The following MYO5B variants were observed in gnomAD, a reference collection of about 807,000 sequenced individuals.
MYO5B encodes the protein unconventional myosin-Vb.
A neutral mutation model predicts 229.3 loss-of-function variants in MYO5B; 143 were observed. The observed-to-expected ratio is 0.62, with a 90% CI of 0.54 to 0.72. MYO5B has a LOEUF of 0.72. MYO5B is among the 30% of genes least tolerant of loss of function. The pLI is 0.00. For missense variants in MYO5B, 2,321 were observed against 2,331.0 expected (o/e 1.00, Z 0.09); for synonymous variants, 918 against 885.2 (o/e 1.04, Z -0.66).
chr18:49,832,382 G>A (rs1271842692), intron 39 of MYO5B, among the ~76,000 whole-genome samples: 2 of 152,142 alleles, frequency 1.3e-5, no homozygotes, highest in South Asian at 2.1e-4. Flanking sequence ...ATTAACCATT[G>A]ACCTCTGAAC....
chr18:49,992,152 G>T, intron 6 of MYO5B, 136 bp downstream of exon 6: 1 of 1,246,272 alleles, frequency 8.0e-7, no homozygotes, highest in Non-Finnish European at 1.2e-6. Context: ...TAAAAGATAA[G>T]AACCAAAAGA....
Position 49,847,160 on chromosome 18 carries a change from C to T in MYO5B, c.4445G>A (p.Arg1482Gln), listed in dbSNP as rs201914259. The change falls in exon 33 of 40, where the codon CGG becomes CAG. Residue 1482 changes from arginine (R) to glutamine (Q), a missense_variant. This residue lies in a region of MYO5B where 2,113 missense variants were observed against 2,044.7 expected (regional missense o/e 1.03). Transcript: ENST00000285039. Reference protein sequence around the residue: ...YHKEDEALLIRNLVTDLKPQM... With the variant: ...YHKEDEALLIQNLVTDLKPQM... ...AGGGTCCTTACCTGTCACCAGGTTC[C>T]GGATGAGGAGGGCCTCGTCCTCTTT... 1.6e-4 allele frequency: 258 copies of T among 1,613,976 alleles called. No individual in the cohort carries two copies. Among genetic ancestry groups the T allele is most frequent in the East Asian group, 2.9e-4 (13 of 44,884 alleles).
At chr18:50,020,518 C>T (rs2026262736) in intron 4 of MYO5B, among the ~76,000 whole-genome samples, 1 of 152,248 alleles carries the variant, frequency 6.6e-6, no homozygotes, top group African/African-American at 2.4e-5. Flanking sequence ...TCTCTGCCTC[C>T]CATTCTCCCA....
chr18:49,896,664 G>A (rs1485379461), intron 21 of MYO5B, among the ~76,000 whole-genome samples: 3 of 152,160 alleles, frequency 2.0e-5, no homozygotes, highest in East Asian at 1.9e-4. Flanking sequence ...AGAGAGGCAC[G>A]CATGGTAACA....
intron 1 of MYO5B, among the ~76,000 whole-genome samples, chr18:50,155,110 G>T (rs1230302997): frequency 6.6e-6 from 1 of 152,050 alleles, no homozygotes; most frequent in African/African-American, 2.4e-5. Flanking sequence ...AATTTATATG[G>T]GTTCACATAC....
At chr18:49,835,877 T>C (rs901112244) in intron 38 of MYO5B, among the ~76,000 whole-genome samples, 2 of 152,232 alleles carry the variant, frequency 1.3e-5, no homozygotes, top group African/African-American at 4.8e-5. Context: ...AGATACTCTT[T>C]TGTCTGCCTA....
At chr18:49,843,740 T>C (rs750572364) in intron 33 of MYO5B, among the ~76,000 whole-genome samples, 1 of 152,166 alleles carries the variant, frequency 6.6e-6, no homozygotes, top group Non-Finnish European at 1.5e-5. Flanking sequence ...CAGGGGCCCA[T>C]GGCAAGTGGA....
At chr18:50,065,309 A>G (rs894022629) in intron 1 of MYO5B, among the ~76,000 whole-genome samples, 5 of 152,184 alleles carry the variant, frequency 3.3e-5, no homozygotes, top group Non-Finnish European at 5.9e-5. Context: ...AAGAGGAGAC[A>G]TGATGTCTTA....
chr18:49,955,387 C>T (rs539668458), intron 12 of MYO5B, among the ~76,000 whole-genome samples: 9 of 152,314 alleles, frequency 5.9e-5, no homozygotes, highest in South Asian at 2.1e-4. Context: ...CTCTGTCATC[C>T]CTGGTCATCG....
chr18:49,886,154 G>C (rs181178058), intron 22 of MYO5B, among the ~76,000 whole-genome samples: 20 of 152,248 alleles, frequency 1.3e-4, no homozygotes, highest in African/African-American at 4.8e-4. Flanking sequence ...TGGCCAGGTT[G>C]GTCTTGAACT....
At chr18:50,080,522 A>G (rs567080850) in intron 1 of MYO5B, among the ~76,000 whole-genome samples, 9 of 152,286 alleles carry the variant, frequency 5.9e-5, no homozygotes, top group African/African-American at 2.2e-4. Context: ...CTTGCCCAAC[A>G]GCTGCCCCCA....
In MYO5B at chr18:49,842,278, G is replaced by A. The variant is rs527887807; in HGVS notation, c.4612-824C>T. ...CTCACGAAAGAGGATCAAGGCTGGA[G>A]ACACAAATCTGAGAGCCACGAGCAT... On this transcript the variant is annotated intron_variant, in intron 34 of 39. Coordinates refer to ENST00000285039, the MANE Select transcript of MYO5B (RefSeq NM_001080467.3). Among the ~76,000 whole-genome samples the A allele has an allele frequency of 2.0e-5, 3 of 152,274 alleles. No individual in the cohort carries two copies. In the South Asian group the frequency reaches 6.2e-4, roughly 32 times the overall value.
intron 22 of MYO5B, among the ~76,000 whole-genome samples, chr18:49,892,943 C>G (rs2024732211): frequency 6.6e-6 from 1 of 152,128 alleles, no homozygotes; most frequent in Admixed American, 6.5e-5. Flanking sequence ...GTTACCAATT[C>G]CAAGCTCTAA....
At position 49,914,361 on chromosome 18, in the gene MYO5B, C is replaced by T. The variant is rs566578033; in HGVS notation, c.2091-2188G>A. 6.0e-4 allele frequency among the ~76,000 whole-genome samples: 92 copies of T among 152,282 alleles called. 4 individuals carry two copies. The South Asian group carries it at 0.018, about 30-fold the overall frequency. On this transcript the variant is annotated intron_variant, in intron 17 of 39. Coordinates refer to ENST00000285039, the MANE Select transcript of MYO5B (RefSeq NM_001080467.3). ...GTGATGGGGGGCCAGGGAACTCTCCCGTCTCATACTCAGGTAAACTCACTC... is the reference window on the plus strand; with the variant it reads ...GTGATGGGGGGCCAGGGAACTCTCCTGTCTCATACTCAGGTAAACTCACTC...
chr18:49,918,709 T>A (rs2025043738), intron 17 of MYO5B, among the ~76,000 whole-genome samples: 1 of 152,228 alleles, frequency 6.6e-6, no homozygotes, highest in Non-Finnish European at 1.5e-5. Flanking sequence ...GGCCATGCTG[T>A]GAGGCATACC....
intron 1 of MYO5B, among the ~76,000 whole-genome samples, chr18:50,160,718 C>A (rs1284353686): frequency 6.6e-6 from 1 of 152,196 alleles, no homozygotes; most frequent in African/African-American, 2.4e-5. Flanking sequence ...CTGAAACTTT[C>A]ACCCACTCAT....
chr18:50,128,950 G>A (rs1023771061), intron 1 of MYO5B, among the ~76,000 whole-genome samples: 22 of 152,314 alleles, frequency 1.4e-4, no homozygotes, highest in Non-Finnish European at 3.1e-4. Context: ...TGACAAACCC[G>A]CAGAGGATCA....
chr18:49,945,041 C>G (rs957575591), intron 14 of MYO5B, among the ~76,000 whole-genome samples: 3 of 152,196 alleles, frequency 2.0e-5, no homozygotes, highest in Admixed American at 2.0e-4. Context: ...TGTAAAGGTC[C>G]CTTCCTGACA....
At chr18:49,902,974 T>G (rs2144144751) in intron 20 of MYO5B, 141 bp from the exon 21 acceptor site, 1 of 1,078,696 alleles carries the variant, frequency 9.3e-7, no homozygotes, top group Non-Finnish European at 1.3e-6. Context: ...CCCCCTAAGA[T>G]CTAAGGCTTT....
Sources: gnomAD v4.1 joint callset for allele counts (sites outside exome capture counted in the v4.1 genomes callset) on GRCh38, gnomAD v4.1.1 for gene constraint, gnomAD v4.1.1 regional missense constraint, MANE v1.5 for transcripts, NCBI Gene and HGNC (gene_info 2026-07-23, HGNC 2026-07-21) for gene names.